Variants in SDR16C5 observed in about 807,000 individuals in gnomAD.
SDR16C5 encodes short chain dehydrogenase/reductase family 16C member 5.
Under a neutral mutation model 27.7 loss-of-function variants are expected in SDR16C5, and 20 were observed. That is an observed-to-expected ratio of 0.72 (90% CI 0.51 to 1.05). The LOEUF (loss-of-function observed/expected upper bound fraction) is 1.05, where lower values mean the gene tolerates loss of function less well. Among genes scored for constraint, SDR16C5 ranks in the 50% least tolerant of loss-of-function variants. The pLI is 0.00. For missense variants in SDR16C5, 374 were observed against 366.3 expected (o/e 1.02, Z -0.17); for synonymous variants, 139 against 132.3 (o/e 1.05, Z -0.35).
At chr8:56,302,202 C>T (rs1044989972) in intron 6 of SDR16C5, among the ~76,000 whole-genome samples, 2 of 152,142 alleles carry the variant, frequency 1.3e-5, no homozygotes, top group African/African-American at 2.4e-5. Context: ...AAAGCAGGCA[C>T]GGGAAACCTG....
rs1814755142 is a variant in SDR16C5, at chr8:56,301,547, A to G, written c.863T>C (p.Leu288Pro). 6.2e-7 allele frequency: 1 copy of G among 1,614,170 alleles called. No homozygotes were observed. The highest frequency in any genetic ancestry group is 1.3e-5 in the African/African-American group (1 of 75,060). ...AAGGATGCCCAAATAGTCAGCTATA[A>G]GCAGTCCTGTCTTGAGGGGCAAAAA... ...KSFLPLKTGL[L>P]IADYLGILHA... The change falls in exon 7 of 7, where the codon CTT (leucine) becomes CCT (proline). Residue 288 changes from leucine (L) to proline (P), a missense_variant. Coordinates refer to ENST00000303749, the MANE Select transcript of SDR16C5 (RefSeq NM_138969.4).
chr8:56,319,439 ATGTACG>A (rs1815278052), intron 1 of SDR16C5, among the ~76,000 whole-genome samples: 2 of 152,250 alleles, frequency 1.3e-5, no homozygotes, highest in Non-Finnish European at 2.9e-5. Context: ...ACAAGAGTGA[ATGTACG>A]GTTCCATTTT....
At chr8:56,302,973 C>T (rs886673481) in intron 6 of SDR16C5, among the ~76,000 whole-genome samples, 1 of 151,098 alleles carries the variant, frequency 6.6e-6, no homozygotes, top group Non-Finnish European at 1.5e-5. Context: ...CAGAACAAGA[C>T]CTTGTCTCCA....
intron 1 of SDR16C5, 34 bp from the exon 2 acceptor site, chr8:56,316,395 T>C: frequency 7.3e-7 from 1 of 1,377,366 alleles, no homozygotes; most frequent in Non-Finnish European, 1.0e-6. Context: ...TGAAGACTTA[T>C]TTGTCCATTT....
In SDR16C5 at chr8:56,300,235, G is replaced by C. The variant is rs1042460347; in HGVS notation, c.*1245C>G. ...AATACAGATCAGGGCTGTCATGTTC[G>C]TGCAGGCCACTCAAGGTAAACCATA... On this transcript the variant is annotated 3_prime_UTR_variant, in exon 7 of 7. Coordinates refer to ENST00000303749, the MANE Select transcript of SDR16C5 (RefSeq NM_138969.4). 2.0e-5 allele frequency: 3 copies of C among 150,628 alleles called. No individual in the cohort carries two copies. The highest frequency in any genetic ancestry group is 2.9e-5 in the Non-Finnish European group (2 of 67,856). The allele number at this position is 150,628 out of a possible 1,614,324, so 9.3% of individuals were successfully genotyped here.
intron 6 of SDR16C5, among the ~76,000 whole-genome samples, chr8:56,302,021 T>C (rs921477221): frequency 4.6e-5 from 7 of 152,210 alleles, no homozygotes; most frequent in Non-Finnish European, 1.0e-4. Context: ...GGCGCTACTG[T>C]GAGGATGAGA....
intron 2 of SDR16C5, among the ~76,000 whole-genome samples, chr8:56,315,132 C>A (rs987753663): frequency 6.6e-6 from 1 of 151,938 alleles, no homozygotes; most frequent in Admixed American, 6.6e-5. Flanking sequence ...GTAATCCCAG[C>A]TACTCGGGGG....
intron 1 of SDR16C5, among the ~76,000 whole-genome samples, chr8:56,317,284 G>A (rs991364420): frequency 2.6e-5 from 4 of 152,030 alleles, no homozygotes; most frequent in African/African-American, 9.7e-5. Flanking sequence ...CCACCAAGAA[G>A]GCATCCACTA....
intron 5 of SDR16C5, 98 bp from the exon 6 acceptor site, chr8:56,305,820 T>C (rs1385105030): frequency 8.2e-7 from 1 of 1,225,868 alleles, no homozygotes; most frequent in Non-Finnish European, 1.1e-6. Flanking sequence ...TTTAAGACGT[T>C]ATCACTTATT....
At chr8:56,308,331 T>C (rs1814937660) in intron 4 of SDR16C5, among the ~76,000 whole-genome samples, 1 of 152,220 alleles carries the variant, frequency 6.6e-6, no homozygotes, top group Admixed American at 6.5e-5. Flanking sequence ...TCAAGATTTC[T>C]ATTCCTTCTA....
At chr8:56,307,144 G>T (rs2129258015) in intron 4 of SDR16C5, among the ~76,000 whole-genome samples, 1 of 152,282 alleles carries the variant, frequency 6.6e-6, no homozygotes, top group East Asian at 1.9e-4. Context: ...ATGGTGCCTT[G>T]TCTCAAAAAA....
At chr8:56,305,860 T>C in intron 5 of SDR16C5, 138 bp from the exon 6 acceptor site, 1 of 842,852 alleles carries the variant, frequency 1.2e-6, no homozygotes, top group Non-Finnish European at 1.8e-6. Flanking sequence ...TTTATTTTTA[T>C]ATTTACTCCT....
intron 3 of SDR16C5, among the ~76,000 whole-genome samples, chr8:56,310,945 C>G (rs917637573): frequency 6.6e-6 from 1 of 152,158 alleles, no homozygotes; most frequent in Non-Finnish European, 1.5e-5. Flanking sequence ...AAGAATAGCA[C>G]CAGCACCATT....
chr8:56,305,584 C>A lies in SDR16C5; in HGVS notation c.836+13G>T. 6.4e-7 allele frequency: 1 copy of A among 1,568,302 alleles called. No individual in the cohort carries two copies. The highest frequency in any genetic ancestry group is 8.6e-7 in the Non-Finnish European group (1 of 1,164,992). ...TGGCATGTTAGGGAAGTAATAGAAG[C>A]TGATGTAATTACCTTTTAAGAAACA... On this transcript the variant is annotated intron_variant, in intron 6 of 6. Transcript: ENST00000303749.
chr8:56,303,507 G>A (rs4419802), intron 6 of SDR16C5, among the ~76,000 whole-genome samples: 46,614 of 151,810 alleles, frequency 0.31, 7,553 homozygotes, highest in African/African-American at 0.41. Flanking sequence ...ACATGGGCAG[G>A]GACCACTGTT....
rs1480143769 is a variant in SDR16C5 at position 56,316,199 on chromosome 8, C to G, written c.149G>C (p.Ser50Thr). 2.5e-6 allele frequency: 4 copies of G among 1,614,238 alleles called. No homozygotes were observed. The highest frequency in any genetic ancestry group is 3.4e-6 in the Non-Finnish European group (4 of 1,180,050). Residue 50 changes from serine to threonine, a missense_variant, in exon 2 of 7, where the codon AGT becomes ACT. Coordinates refer to ENST00000303749, the MANE Select transcript of SDR16C5 (RefSeq NM_138969.4). ...CAAGGCTAAGAGCCTTCCGAGTCCA[C>G]TTCCAGCACCTGTGATGAGGACTAT... Reference protein sequence around the residue: ...GEIVLITGAGSGLGRLLALQF... With the variant: ...GEIVLITGAGTGLGRLLALQF...
chr8:56,309,427 A>T, intron 3 of SDR16C5: 1 of 985,350 alleles, frequency 1.0e-6, no homozygotes, highest in Non-Finnish European at 1.2e-6. Context: ...TTTTCCCTGA[A>T]CATTGTTCAC....
rs1282648816 is a variant in SDR16C5 at position 56,312,272 on chromosome 8, C to T, written c.350G>A (p.Gly117Asp). The change falls in exon 3 of 7, where the codon GGC becomes GAC. Residue 117 changes from glycine to aspartate, a missense_variant. Transcript: ENST00000303749. The part of the protein sequence containing the change: ...RVADQVKKEV[G>D]DVSILINNAG... ...ATTGTTGATTAGGATGGAAACATCGCCGACTTCTTTTTTAACCTGAATTGA... is the reference window on the plus strand; with the variant it reads ...ATTGTTGATTAGGATGGAAACATCGTCGACTTCTTTTTTAACCTGAATTGA... 6.2e-7 allele frequency: 1 copy of T among 1,613,910 alleles called. No individual in the cohort carries two copies. Among genetic ancestry groups the T allele is most frequent in the Admixed American group, 1.7e-5 (1 of 60,016 alleles).
chr8:56,312,949 T>G (rs555385180), intron 2 of SDR16C5, among the ~76,000 whole-genome samples: 1 of 152,016 alleles, frequency 6.6e-6, no homozygotes, highest in Non-Finnish European at 1.5e-5. Context: ...GCTAATTTTT[T>G]GTATTTTTAG....
Sources: allele counts gnomAD v4.1 joint callset (sites outside exome capture counted in the v4.1 genomes callset), GRCh38; gene constraint gnomAD v4.1.1; transcripts MANE v1.5; gene names NCBI Gene and HGNC (gene_info 2026-07-23, HGNC 2026-07-21).